Variants in STXBP5L observed in about 807,000 individuals in gnomAD.
STXBP5L encodes syntaxin binding protein 5L, also known as syntaxin-binding protein 5-like.
In STXBP5L, 65 loss-of-function variants were observed where a neutral mutation model predicts 144.5. The ratio of observed to expected loss-of-function variants is 0.45; its 90% confidence interval spans 0.37 to 0.55. The LOEUF (loss-of-function observed/expected upper bound fraction) is 0.55, where lower values mean the gene tolerates loss of function less well. Among genes scored for constraint, STXBP5L ranks in the 20% least tolerant of loss-of-function variants. The pLI is 0.00. For synonymous variants in STXBP5L, 505 were observed against 469.6 expected (o/e 1.08, Z -0.97); for missense variants, 1,298 against 1,405.5 (o/e 0.92, Z 1.22).
At chr3:121,160,055 T>C (rs2046264780) in intron 9 of STXBP5L, among the ~76,000 whole-genome samples, 1 of 152,250 alleles carries the variant, frequency 6.6e-6, no homozygotes. Context: ...TTAACATTTC[T>C]CTTATAATGG....
intron 5 of STXBP5L, among the ~76,000 whole-genome samples, chr3:121,111,683 G>T (rs2043994161): frequency 6.6e-6 from 1 of 152,196 alleles, no homozygotes; most frequent in African/African-American, 2.4e-5. Flanking sequence ...CCTTGTTGGG[G>T]GGTTTCACCC....
intron 3 of STXBP5L, among the ~76,000 whole-genome samples, chr3:120,962,474 C>T (rs1257574163): frequency 1.3e-5 from 2 of 152,144 alleles, no homozygotes; most frequent in African/African-American, 4.8e-5. Flanking sequence ...GGAAGAGATC[C>T]AGTTTCAGCT....
intron 5 of STXBP5L, among the ~76,000 whole-genome samples, chr3:121,094,498 G>A (rs1040928711): frequency 6.6e-6 from 1 of 152,080 alleles, no homozygotes. Flanking sequence ...AGCTCTTCTT[G>A]TTGAATTAGT....
intron 5 of STXBP5L, among the ~76,000 whole-genome samples, chr3:121,086,847 A>G (rs1035773229): frequency 6.6e-6 from 1 of 152,080 alleles, no homozygotes. Context: ...AGGTTAGTGT[A>G]AGTACTTACA....
rs184120099 is a variant in STXBP5L at position 121,118,408 on chromosome 3, A to G, written c.606-3233A>G. On this transcript the variant is annotated intron_variant, in intron 6 of 26. Transcript: ENST00000471454. ...GGGAACAGAATATTTAAAGGATGGAATATAAGATAATTTTCTGCTCTGTGC... is the reference window on the plus strand; with the variant it reads ...GGGAACAGAATATTTAAAGGATGGAGTATAAGATAATTTTCTGCTCTGTGC... Among the ~76,000 whole-genome samples, 643 of 151,790 alleles carry G rather than the reference A, an allele frequency of 4.2e-3. 5 individuals carry two copies. Among genetic ancestry groups the G allele is most frequent in the African/African-American group, 0.015 (613 of 41,528 alleles).
chr3:121,004,471 A>T (rs1192824912), intron 3 of STXBP5L, among the ~76,000 whole-genome samples: 1 of 151,758 alleles, frequency 6.6e-6, no homozygotes, highest in Non-Finnish European at 1.5e-5. Context: ...GGGGTTTTCT[A>T]GATATACAAT....
chr3:121,020,595 G>T (rs1247080712), intron 3 of STXBP5L, among the ~76,000 whole-genome samples: 1 of 152,108 alleles, frequency 6.6e-6, no homozygotes, highest in East Asian at 1.9e-4. Flanking sequence ...AGAAGGGATT[G>T]GTTCCTATCT....
In STXBP5L at chr3:121,102,568, G is replaced by T. The variant is rs1417755405; in HGVS notation, c.471-12357G>T. Among the ~76,000 whole-genome samples, 3 of 152,056 alleles carry T rather than the reference G, an allele frequency of 2.0e-5. No individual in the cohort carries two copies. In the East Asian group the frequency reaches 5.8e-4, roughly 29 times the overall value. The stretch of plus-strand genomic sequence containing the variant: ...AAAAATTAACTCAAGAGGGTTTAAA[G>T]CTCTAAATATCAGACCTCAAACTAT... On this transcript the variant is annotated intron_variant, in intron 5 of 26. Coordinates refer to ENST00000471454, the MANE Select transcript of STXBP5L (RefSeq NM_001308330.2).
intron 20 of STXBP5L, among the ~76,000 whole-genome samples, chr3:121,335,251 G>A (rs943360498): frequency 2.6e-5 from 4 of 152,014 alleles, no homozygotes; most frequent in African/African-American, 9.7e-5. Flanking sequence ...AGCTTAAAAG[G>A]AAGGTGAAAG....
At chr3:121,228,306 G>T (rs1195236572) in intron 11 of STXBP5L, among the ~76,000 whole-genome samples, 1 of 152,076 alleles carries the variant, frequency 6.6e-6, no homozygotes, top group Non-Finnish European at 1.5e-5. Context: ...TATATTCCTT[G>T]AGCAAGGAAT....
At chr3:121,106,217 G>A (rs1265166418) in intron 5 of STXBP5L, among the ~76,000 whole-genome samples, 1 of 152,098 alleles carries the variant, frequency 6.6e-6, no homozygotes, top group African/African-American at 2.4e-5. Context: ...AAAAACGGAT[G>A]TGTGTGTATA....
chr3:121,249,504 A>G (rs1339422503), intron 14 of STXBP5L, among the ~76,000 whole-genome samples: 2 of 152,100 alleles, frequency 1.3e-5, no homozygotes, highest in Non-Finnish European at 2.9e-5. Context: ...GTCTATTGCT[A>G]TTCAATGGAA....
At chr3:121,267,129 C>T (rs777634461) in intron 18 of STXBP5L, among the ~76,000 whole-genome samples, 11 of 152,150 alleles carry the variant, frequency 7.2e-5, no homozygotes, top group Non-Finnish European at 1.3e-4. Context: ...AAGAACAAAG[C>T]TGGAGGCATC....
At chr3:120,998,430 C>A (rs747504006) in intron 3 of STXBP5L, among the ~76,000 whole-genome samples, 5 of 151,876 alleles carry the variant, frequency 3.3e-5, no homozygotes, top group African/African-American at 1.2e-4. Flanking sequence ...ATGTGCAGAA[C>A]GTGCAGGTTT....
chr3:121,093,435 T>C (rs2042935605), intron 5 of STXBP5L, among the ~76,000 whole-genome samples: 1 of 152,220 alleles, frequency 6.6e-6, no homozygotes, highest in South Asian at 2.1e-4. Flanking sequence ...TATTGATTAT[T>C]GCCACAATTT....
intron 3 of STXBP5L, among the ~76,000 whole-genome samples, chr3:121,013,461 T>C (rs1185908982): frequency 1.3e-5 from 2 of 152,144 alleles, no homozygotes; most frequent in Non-Finnish European, 2.9e-5. Flanking sequence ...TTGAGCATTT[T>C]TTATATGTTT....
intron 3 of STXBP5L, among the ~76,000 whole-genome samples, chr3:121,025,157 A>C (rs2107476071): frequency 6.6e-6 from 1 of 152,268 alleles, no homozygotes; most frequent in South Asian, 2.1e-4. Flanking sequence ...GAGAGATGTT[A>C]GAGATTATAA....
intron 9 of STXBP5L, among the ~76,000 whole-genome samples, chr3:121,199,924 G>A (rs2048072810): frequency 6.6e-6 from 1 of 151,968 alleles, no homozygotes; most frequent in Non-Finnish European, 1.5e-5. Context: ...TGTTCATCAG[G>A]GATATTGGCC....
At chr3:121,036,382 T>C (rs1475989528) in intron 3 of STXBP5L, among the ~76,000 whole-genome samples, 6 of 152,140 alleles carry the variant, frequency 3.9e-5, no homozygotes, top group Non-Finnish European at 7.4e-5. Context: ...GTTTCAGTAA[T>C]ATTTTATGGC....
Sources: allele counts gnomAD v4.1 joint callset (sites outside exome capture counted in the v4.1 genomes callset), GRCh38; gene constraint gnomAD v4.1.1; transcripts MANE v1.5; gene names NCBI Gene and HGNC (gene_info 2026-07-23, HGNC 2026-07-21).